LHX2: variants seen among roughly 807,000 people sequenced by gnomAD.
LHX2 encodes the protein LIM/homeobox protein Lhx2.
LHX2 carries 6 observed loss-of-function variants against 33.0 expected under a neutral mutation model. The ratio of observed to expected loss-of-function variants is 0.18; its 90% CI spans 0.10 to 0.36. The LOEUF (loss-of-function observed/expected upper bound fraction) is 0.36. LHX2 is among the 10% of genes least tolerant of loss of function. The pLI is 1.00. For synonymous variants in LHX2, 292 were observed against 253.1 expected, an observed-to-expected ratio of 1.15 and a Z score of -1.46; for missense variants, 442 against 586.2, an observed-to-expected ratio of 0.75 and a Z score of 2.54.
rs1302280085 is a variant in LHX2 at position 124,012,570 on chromosome 9, G to A, written c.120+102G>A. The A allele has an allele frequency of 4.6e-6, 6 of 1,295,646 alleles. No homozygotes were observed. The African/African-American group carries it at 7.8e-5, about 17-fold the overall frequency. The allele number at this position is 1,295,646 out of a possible 1,614,324, so 80.3% of individuals were successfully genotyped here. On this transcript the variant is annotated intron_variant, in intron 1 of 4. Transcript: ENST00000373615. This position sits in a 1 kb window ranked among gnomAD's most constrained non-coding sequence, Gnocchi z 4.3. ...TTGGGGAGCGTCCTTCGTGCCGCAC[G>A]GGACTGGGTGCTGGGGATCCTCGGT...
At chr9:124,022,744 G>A (rs1859314320) in intron 4 of LHX2, among the ~76,000 whole-genome samples, 1 of 152,252 alleles carries the variant, frequency 6.6e-6, no homozygotes, top group Admixed American at 6.5e-5. Context: ...TCTGTGGGGC[G>A]GGTGGAGGCT....
chr9:124,015,317 G>T lies in LHX2; in HGVS notation c.519G>T (p.Leu173=), dbSNP rs771960803. The change falls in exon 3 of 5, where the codon CTG becomes CTT. Residue 173 remains leucine, a synonymous_variant. Transcript: ENST00000373615. This position sits in a 1 kb window ranked among gnomAD's most constrained non-coding sequence, Gnocchi z 7.9. Reference sequence around the variant, plus strand: ...GCCGCTTGCACTTCGAGGCGCTGCTGCAGGGCGAGTACCCCGCACACTTCA... The same window carrying T: ...GCCGCTTGCACTTCGAGGCGCTGCTTCAGGGCGAGTACCCCGCACACTTCA... ...VYCRLHFEAL[L]QGEYPAHFNH... The T allele has an allele frequency of 1.2e-6, 2 of 1,613,796 alleles. No homozygotes were observed. Among genetic ancestry groups the T allele is most frequent in the East Asian group, 2.2e-5 (1 of 44,904 alleles).
intron 1 of LHX2, among the ~76,000 whole-genome samples, chr9:124,013,612 G>C (rs1388723785): frequency 6.6e-6 from 1 of 152,246 alleles, no homozygotes; most frequent in Non-Finnish European, 1.5e-5. Flanking sequence ...GCTCTTGGAG[G>C]GCTTGACTGG....
In LHX2 at chr9:124,016,138, T is replaced by G. The variant is rs1334387158; in HGVS notation, c.727+613T>G. The stretch of plus-strand genomic sequence containing the variant: ...TTTCCCGGACTTTTTCCTCCGAGTT[T>G]CCTGGCGCCTGCTGGGGTGAGGGCC... On this transcript the variant is annotated intron_variant, in intron 3 of 4. Transcript: ENST00000373615. The surrounding 1 kb of genome is among the most constrained non-coding windows in gnomAD (Gnocchi z 4.4). Among the ~76,000 whole-genome samples the G allele has an allele frequency of 6.6e-6, 1 of 151,170 alleles. No homozygotes were observed. Among genetic ancestry groups the G allele is most frequent in the Non-Finnish European group, 1.5e-5 (1 of 67,762 alleles).
rs534120589 is a variant in LHX2, at chr9:124,032,677, C to T, written c.1191C>T (p.Pro397=). ...GNLEGHEPHS[P]SQTTLTNLF ...TGGAGGGCCATGAGCCTCACAGCCC[C>T]TCACAAACGACTCTTACCAACCTTT... The change falls in exon 5 of 5, where the codon CCC becomes CCT. Residue 397 remains proline, a synonymous_variant. Transcript: ENST00000373615. The surrounding 1 kb of genome is among the most constrained non-coding windows in gnomAD (Gnocchi z 4.1). The T allele has an allele frequency of 8.2e-5, 132 of 1,605,890 alleles. 1 individual carries two copies. The South Asian group carries it at 1.4e-3, about 17-fold the overall frequency.
At chr9:124,022,603 C>T (rs1588349322) in intron 4 of LHX2, among the ~76,000 whole-genome samples, 1 of 152,204 alleles carries the variant, frequency 6.6e-6, no homozygotes, top group East Asian at 1.9e-4. Flanking sequence ...GACCCACCCT[C>T]CAGCCCCAGG....
At chr9:124,023,694 TCAC>T (rs1227793089) in intron 4 of LHX2, among the ~76,000 whole-genome samples, 1 of 152,208 alleles carries the variant, frequency 6.6e-6, no homozygotes, top group Non-Finnish European at 1.5e-5. Flanking sequence ...GAAGGCTTGG[TCAC>T]CTGACTTAGG....
intron 1 of LHX2, 146 bp from the exon 2 acceptor site, chr9:124,013,815 G>A (rs962472250): frequency 2.8e-6 from 2 of 721,632 alleles, no homozygotes; most frequent in African/African-American, 3.5e-5. Context: ...TTGGGGTGGG[G>A]GGAAGCGCGC....
chr9:124,032,882 C>T lies in LHX2; in HGVS notation c.*175C>T. The T allele has an allele frequency of 1.6e-6, 1 of 616,442 alleles. No individual in the cohort carries two copies. Among genetic ancestry groups the T allele is most frequent in the Non-Finnish European group, 2.6e-6 (1 of 379,584 alleles). The allele number at this position is 616,442 out of a possible 1,614,324, so 38.2% of individuals were successfully genotyped here. On this transcript the variant is annotated 3_prime_UTR_variant, in exon 5 of 5. Transcript: ENST00000373615. This position sits in a 1 kb window ranked among gnomAD's most constrained non-coding sequence, Gnocchi z 4.1. ...CGCCCGGCTAATGCAGCGGTGTGGA[C>T]CGAGGAACAACTTGGAAGATCTACC...
chr9:124,022,090 C>G (rs1859302777), intron 4 of LHX2, among the ~76,000 whole-genome samples: 1 of 152,202 alleles, frequency 6.6e-6, no homozygotes, highest in Admixed American at 6.5e-5. Context: ...GGCACAGAAG[C>G]AGGTCCCAGG....
intron 4 of LHX2, among the ~76,000 whole-genome samples, chr9:124,028,584 C>T (rs1279585664): frequency 6.6e-6 from 1 of 152,150 alleles, no homozygotes; most frequent in Non-Finnish European, 1.5e-5. Flanking sequence ...CCCGAGGTCA[C>T]GTGGTAGTCC....
chr9:124,013,475 G>A (rs1031387742), intron 1 of LHX2, among the ~76,000 whole-genome samples: 1 of 152,228 alleles, frequency 6.6e-6, no homozygotes, highest in African/African-American at 2.4e-5. Context: ...CTGGTCTAAG[G>A]ATCCAGGGAT....
Position 124,032,819 on chromosome 9 carries a change from G to C in LHX2, c.*112G>C. 1 of 1,225,018 alleles carries C rather than the reference G, an allele frequency of 8.2e-7. No homozygotes were observed. Among genetic ancestry groups the C allele is most frequent in the Non-Finnish European group, 1.1e-6 (1 of 888,250 alleles). 75.9% of individuals were successfully genotyped at this position (1,225,018 alleles called of 1,614,324 possible). A position where few individuals can be genotyped will look rare whatever the true frequency, so the allele number is the denominator to read the frequency against. On this transcript the variant is annotated 3_prime_UTR_variant, in exon 5 of 5. Coordinates refer to ENST00000373615, the MANE Select transcript of LHX2 (RefSeq NM_004789.4). The surrounding 1 kb of genome is among the most constrained non-coding windows in gnomAD (Gnocchi z 4.1). ...GAGCAACTAACTAACCACATTTTAG[G>C]ATCTCGCCTGGAAACAGAGGTAAAA...
chr9:124,029,077 A>G (rs894468382), intron 4 of LHX2, among the ~76,000 whole-genome samples: 5 of 152,112 alleles, frequency 3.3e-5, no homozygotes, highest in Admixed American at 2.6e-4. Flanking sequence ...GTGCCACTGC[A>G]CTCCAGCCTG....
rs530685398 is a variant in LHX2, at chr9:124,018,138, G to C, written c.727+2613G>C. Among the ~76,000 whole-genome samples, 6 of 152,228 alleles carry C rather than the reference G, an allele frequency of 3.9e-5. 1 individual carries two copies. The South Asian group carries it at 1.2e-3, about 32-fold the overall frequency. Reference sequence around the variant, plus strand: ...ACAATCTCGTCTTTAGTAAAATGAGGCGAAGTCAGATTTGATTACAGGTTC... The same window carrying C: ...ACAATCTCGTCTTTAGTAAAATGAGCCGAAGTCAGATTTGATTACAGGTTC... On this transcript the variant is annotated intron_variant, in intron 3 of 4. Coordinates refer to ENST00000373615, the MANE Select transcript of LHX2 (RefSeq NM_004789.4).
chr9:124,019,300 T>A (rs1859251529), intron 3 of LHX2, among the ~76,000 whole-genome samples: 1 of 152,146 alleles, frequency 6.6e-6, no homozygotes, highest in Non-Finnish European at 1.5e-5. Context: ...AAATTCTCTC[T>A]GCAAGGGGCT....
chr9:124,022,839 G>A (rs1859316238), intron 4 of LHX2, among the ~76,000 whole-genome samples: 1 of 152,212 alleles, frequency 6.6e-6, no homozygotes, highest in Non-Finnish European at 1.5e-5. Flanking sequence ...CTTGAGCAGC[G>A]CTGCCCACGG....
At chr9:124,030,459 A>G (rs908015093) in intron 4 of LHX2, among the ~76,000 whole-genome samples, 1 of 152,124 alleles carries the variant, frequency 6.6e-6, no homozygotes, top group African/African-American at 2.4e-5. Flanking sequence ...CCTGCCTTTC[A>G]GGACTTTTTC....
intron 3 of LHX2, among the ~76,000 whole-genome samples, chr9:124,019,215 C>T (rs1859250200): frequency 6.6e-6 from 1 of 152,128 alleles, no homozygotes; most frequent in Non-Finnish European, 1.5e-5. Flanking sequence ...ACCTGAGTGC[C>T]GGTGGAAAGA....
Sources: gnomAD v4.1 joint callset for allele counts (sites outside exome capture counted in the v4.1 genomes callset) on GRCh38, gnomAD v4.1.1 for gene constraint, Gnocchi (gnomAD v3.1) non-coding constraint, MANE v1.5 for transcripts, NCBI Gene and HGNC (gene_info 2026-07-23, HGNC 2026-07-21) for gene names.